KIF5C: variants seen among roughly 807,000 people sequenced by gnomAD.
The protein encoded by KIF5C is kinesin heavy chain isoform 5C.
KIF5C carries 18 observed loss-of-function variants against 125.2 expected under a neutral mutation model. The ratio of observed to expected loss-of-function variants is 0.14; its 90% confidence interval spans 0.10 to 0.21. The LOEUF (loss-of-function observed/expected upper bound fraction) is 0.21. Ranked by LOEUF, KIF5C falls within the 10% of genes least tolerant of loss-of-function variation. KIF5C has a pLI of 1.00. For synonymous variants in KIF5C, 405 were observed against 434.0 expected (o/e 0.93, Z 0.83); for missense variants, 780 against 1,183.8 (o/e 0.66, Z 5.01).
chr2:148,954,445 T>TTATG (rs1682743923), intron 10 of KIF5C, among the ~76,000 whole-genome samples: 2 of 152,296 alleles, frequency 1.3e-5, no homozygotes, highest in Middle Eastern at 3.4e-3. Flanking sequence ...AAAAAGATAT[T>TTATG]TATGTTTTAG....
intron 18 of KIF5C, chr2:148,998,129 TG>T: frequency 2.1e-6 from 1 of 467,060 alleles, no homozygotes; most frequent in South Asian, 2.4e-5. Flanking sequence ...AAGCTCAGGC[TG>T]GGCTGTAAAA....
At chr2:148,889,185 T>A (rs1314800589) in intron 1 of KIF5C, among the ~76,000 whole-genome samples, 1 of 152,220 alleles carries the variant, frequency 6.6e-6, no homozygotes, top group Admixed American at 6.5e-5. Context: ...CCATCAGGAA[T>A]GTATGAGTGT....
chr2:148,999,383 A>G (rs73011328), intron 19 of KIF5C, among the ~76,000 whole-genome samples: 1 of 152,142 alleles, frequency 6.6e-6, no homozygotes, highest in Admixed American at 6.5e-5. Context: ...GATTGGAGTT[A>G]GACTTTAATT....
intron 2 of KIF5C, among the ~76,000 whole-genome samples, chr2:148,923,440 G>T (rs891207568): frequency 6.6e-6 from 1 of 152,068 alleles, no homozygotes. Context: ...GACTGAATTC[G>T]AGCTCTTTCT....
chr2:148,951,905 C>A (rs979515161), intron 10 of KIF5C, among the ~76,000 whole-genome samples: 6 of 152,080 alleles, frequency 3.9e-5, no homozygotes, highest in African/African-American at 1.4e-4. Context: ...GCATTAAGCC[C>A]CAGTCATTTC....
chr2:148,930,121 T>C (rs1379764300), intron 3 of KIF5C, among the ~76,000 whole-genome samples: 1 of 152,206 alleles, frequency 6.6e-6, no homozygotes, highest in East Asian at 1.9e-4. Flanking sequence ...TCCATTGTAC[T>C]CACACCCAGC....
intron 1 of KIF5C, among the ~76,000 whole-genome samples, chr2:148,919,419 T>C (rs1258158118): frequency 6.6e-6 from 1 of 152,202 alleles, no homozygotes; most frequent in African/African-American, 2.4e-5. Context: ...GAACCTGCAT[T>C]AAATGTCATT....
At position 148,875,575 on chromosome 2, in the gene KIF5C, GC is replaced by G. The variant is rs898335150; in HGVS notation, c.-37del. On this transcript the variant is annotated 5_prime_UTR_variant, in exon 1 of 26. Coordinates refer to ENST00000435030, the MANE Select transcript of KIF5C (RefSeq NM_004522.3). ...TCCTCCCTCGTCGTTCCCGGCCCCG[GC>G]CCCCCACCCATCCCCGTGCCCCCTC... The G allele has an allele frequency of 2.9e-6, 2 of 699,870 alleles. No homozygotes were observed. Among genetic ancestry groups the G allele is most frequent in the African/African-American group, 1.8e-5 (1 of 55,548 alleles). The allele number at this position is 699,870 out of a possible 1,614,324, so 43.4% of individuals were successfully genotyped here.
At chr2:148,971,227 A>T in intron 11 of KIF5C, among the ~76,000 whole-genome samples, 1 of 152,068 alleles carries the variant, frequency 6.6e-6, no homozygotes, top group East Asian at 1.9e-4. Flanking sequence ...TGAGTTGTTT[A>T]TGTTAAGAAT....
In KIF5C at chr2:148,924,269, C is replaced by T. The variant is rs888223753; in HGVS notation, c.217+2042C>T. The stretch of plus-strand genomic sequence containing the variant: ...CCCTATTTAAATCAAGATTGGGAGG[C>T]GGTGCTGTGGAGCCCTTTTTTTCTA... On this transcript the variant is annotated intron_variant, in intron 2 of 25. Transcript: ENST00000435030. This position sits in a 1 kb window ranked among gnomAD's most constrained non-coding sequence, Gnocchi z 4.0. Among the ~76,000 whole-genome samples the T allele has an allele frequency of 2.0e-5, 3 of 152,070 alleles. No individual in the cohort carries two copies. The highest frequency in any genetic ancestry group is 4.4e-5 in the Non-Finnish European group (3 of 68,014).
chr2:148,997,433 T>A lies in KIF5C; in HGVS notation c.2100+93T>A, dbSNP rs751271415. The stretch of plus-strand genomic sequence containing the variant: ...TCTAGGAAAATCTGTCACCTTCAGA[T>A]CCGTATATGGCAAGGGACAGGGGAG... On this transcript the variant is annotated intron_variant, in intron 18 of 25. Coordinates refer to ENST00000435030, the MANE Select transcript of KIF5C (RefSeq NM_004522.3). The A allele has an allele frequency of 6.0e-5, 96 of 1,587,308 alleles. 2 individuals are homozygous for A. In the Middle Eastern group the frequency reaches 6.6e-4, roughly 11 times the overall value.
chr2:148,992,323 G>A (rs73009552), intron 16 of KIF5C, among the ~76,000 whole-genome samples: 1,855 of 152,240 alleles, frequency 0.012, 38 homozygotes, highest in African/African-American at 0.042. Flanking sequence ...GTCCTTTTGG[G>A]AAGCACCGTG....
intron 7 of KIF5C, among the ~76,000 whole-genome samples, chr2:148,944,519 A>T (rs1294546754): frequency 6.6e-6 from 1 of 152,206 alleles, no homozygotes; most frequent in Non-Finnish European, 1.5e-5. Context: ...TATATACAAC[A>T]TTTAAAAAAT....
At position 148,875,758 on chromosome 2, in the gene KIF5C, C is replaced by A. The variant is rs773713117; in HGVS notation, c.126+15C>A. 1 of 1,598,612 alleles carries A rather than the reference C, an allele frequency of 6.3e-7. No homozygotes were observed. Among genetic ancestry groups the A allele is most frequent in the Non-Finnish European group, 8.5e-7 (1 of 1,173,516 alleles). ...TGGTGATCGGGGTAAGTGGCTGGGG[C>A]GTCTGCCTTCCCTGCTGCTCCGCGC... On this transcript the variant is annotated intron_variant, in intron 1 of 25. Transcript: ENST00000435030.
At chr2:149,016,688 C>G (rs369273525) in intron 25 of KIF5C, among the ~76,000 whole-genome samples, 1 of 152,128 alleles carries the variant, frequency 6.6e-6, no homozygotes, top group African/African-American at 2.4e-5. Context: ...GAGCCCACCA[C>G]GCAAGTGGGT....
At chr2:148,988,866 A>G (rs1053694423) in intron 15 of KIF5C, among the ~76,000 whole-genome samples, 2 of 152,250 alleles carry the variant, frequency 1.3e-5, no homozygotes, top group Non-Finnish European at 2.9e-5. Flanking sequence ...GTAGAGTCAG[A>G]AATAGATACT....
intron 1 of KIF5C, among the ~76,000 whole-genome samples, chr2:148,891,019 A>G (rs1681694818): frequency 6.6e-6 from 1 of 152,222 alleles, no homozygotes; most frequent in African/African-American, 2.4e-5. Context: ...GCCACATTTT[A>G]AAAGTAAAGT....
At chr2:149,002,675 A>C (rs6435096) in intron 21 of KIF5C, among the ~76,000 whole-genome samples, 2,419 of 152,110 alleles carry the variant, frequency 0.016, 63 homozygotes, top group African/African-American at 0.055. Context: ...TTGTACACTT[A>C]CACAGATGCT....
At chr2:149,003,614 G>A (rs780396114) in intron 21 of KIF5C, among the ~76,000 whole-genome samples, 13 of 152,256 alleles carry the variant, frequency 8.5e-5, no homozygotes, top group Non-Finnish European at 1.3e-4. Flanking sequence ...GATAATGAAT[G>A]TGATGGAGGA....
Sources: allele counts gnomAD v4.1 joint callset (sites outside exome capture counted in the v4.1 genomes callset), GRCh38; gene constraint gnomAD v4.1.1; non-coding constraint Gnocchi (gnomAD v3.1); transcripts MANE v1.5; gene names NCBI Gene and HGNC (gene_info 2026-07-23, HGNC 2026-07-21).